CTNNA3: variants seen among roughly 807,000 people sequenced by gnomAD.
CTNNA3 encodes catenin alpha-3.
In CTNNA3, 76 loss-of-function variants were observed where a neutral mutation model predicts 95.7. The observed-to-expected ratio is 0.79, with a 90% CI of 0.66 to 0.96. The LOEUF (loss-of-function observed/expected upper bound fraction) is 0.96, where lower values mean the gene tolerates loss of function less well. Among genes scored for constraint, CTNNA3 ranks in the 40% least tolerant of loss-of-function variants. The pLI is 0.00. For synonymous variants in CTNNA3, 431 were observed against 374.4 expected (o/e 1.15, Z -1.74); for missense variants, 1,191 against 1,089.8 (o/e 1.09, Z -1.31).
intron 13 of CTNNA3, among the ~76,000 whole-genome samples, chr10:66,251,593 CA>C (rs1292045953): frequency 6.6e-6 from 1 of 151,836 alleles, no homozygotes; most frequent in Non-Finnish European, 1.5e-5. Flanking sequence ...TCCACAAGAC[CA>C]AATTGAAACA....
intron 15 of CTNNA3, among the ~76,000 whole-genome samples, chr10:66,038,336 A>T (rs1341470068): frequency 6.6e-6 from 1 of 152,190 alleles, no homozygotes; most frequent in Non-Finnish European, 1.5e-5. Context: ...AAGGAGTCTC[A>T]GGCAGAGGAT....
In CTNNA3 at chr10:66,199,801, ATATATTTTT is replaced by A. The variant is rs1564756526; in HGVS notation, c.1884+80660_1884+80668del. ...TATATATATATATATATATATATATATATATTTTTTTTTTTTTTTTTTTTTTTTTTTTAG... is the reference window on the plus strand; with the variant it reads ...TATATATATATATATATATATATATATTTTTTTTTTTTTTTTTTTTTTTAG... On this transcript the variant is annotated intron_variant, in intron 13 of 17. Coordinates refer to ENST00000433211, the MANE Select transcript of CTNNA3 (RefSeq NM_013266.4). Among the ~76,000 whole-genome samples the A allele has an allele frequency of 3.5e-3, 46 of 13,188 alleles. 4 individuals carry two copies. The highest frequency in any genetic ancestry group is 0.016 in the African/African-American group (45 of 2,836). The allele number at this position is 13,188 out of a possible 152,430, so 8.7% of individuals were successfully genotyped here. A position where few individuals can be genotyped will look rare whatever the true frequency, so the allele number is the denominator to read the frequency against.
intron 11 of CTNNA3, among the ~76,000 whole-genome samples, chr10:66,423,701 C>T (rs1047241287): frequency 2.0e-5 from 3 of 152,176 alleles, no homozygotes; most frequent in African/African-American, 7.2e-5. Context: ...GACACGAAAA[C>T]ATTCCAAGCC....
chr10:67,277,842 A>G (rs1276393424), intron 5 of CTNNA3, among the ~76,000 whole-genome samples: 1 of 152,198 alleles, frequency 6.6e-6, no homozygotes, highest in East Asian at 1.9e-4. Flanking sequence ...TGTCTGGTTT[A>G]AAAAGAGAAG....
intron 13 of CTNNA3, among the ~76,000 whole-genome samples, chr10:66,240,266 A>C: frequency 6.6e-6 from 1 of 152,078 alleles, no homozygotes; most frequent in East Asian, 1.9e-4. Flanking sequence ...CAAATGAAGA[A>C]CCAAAATCGG....
chr10:67,409,589 T>G (rs1486190316), intron 5 of CTNNA3, among the ~76,000 whole-genome samples: 2 of 147,398 alleles, frequency 1.4e-5, no homozygotes, highest in East Asian at 4.1e-4. Context: ...CTGTTAGGGG[T>G]GGAGGTGGGG....
chr10:67,424,945 T>G (rs1845867306), intron 5 of CTNNA3, among the ~76,000 whole-genome samples: 1 of 152,120 alleles, frequency 6.6e-6, no homozygotes, highest in Admixed American at 6.6e-5. Context: ...TCCAAATTCA[T>G]TCAGTCCCTA....
At chr10:66,048,731 A>C (rs1478313301) in intron 15 of CTNNA3, among the ~76,000 whole-genome samples, 3 of 152,210 alleles carry the variant, frequency 2.0e-5, no homozygotes, top group Non-Finnish European at 4.4e-5. Flanking sequence ...ACTGCACTCC[A>C]GTCTGGGCGG....
At chr10:66,689,415 G>A (rs1353824155) in intron 9 of CTNNA3, among the ~76,000 whole-genome samples, 2 of 152,090 alleles carry the variant, frequency 1.3e-5, no homozygotes, top group African/African-American at 4.8e-5. Flanking sequence ...GCCTTGTATT[G>A]CCTTTATTTC....
At chr10:66,042,805 C>T (rs747746948) in intron 15 of CTNNA3, among the ~76,000 whole-genome samples, 1 of 136,712 alleles carries the variant, frequency 7.3e-6, no homozygotes, top group Non-Finnish European at 1.5e-5. Flanking sequence ...CAGGCTGAGG[C>T]AAGAGAATTG....
intron 11 of CTNNA3, among the ~76,000 whole-genome samples, chr10:66,466,532 TC>T (rs1460780053): frequency 1.3e-5 from 2 of 151,914 alleles, no homozygotes; most frequent in South Asian, 2.1e-4. Context: ...TACTACCATT[TC>T]CCCCCTCACT....
chr10:67,733,722 T>G (rs1044717417), intron 1 of CTNNA3, among the ~76,000 whole-genome samples: 3 of 152,178 alleles, frequency 2.0e-5, no homozygotes, highest in Non-Finnish European at 4.4e-5. Context: ...CATATTTACC[T>G]CTCTTCCTGC....
chr10:66,884,710 T>G (rs1024174362), intron 7 of CTNNA3, among the ~76,000 whole-genome samples: 1 of 152,134 alleles, frequency 6.6e-6, no homozygotes, highest in African/African-American at 2.4e-5. Context: ...TATTTGAAGT[T>G]ACTAAGTTTC....
At chr10:66,309,954 T>TAAATAAATAAAA (rs1554929532) in intron 12 of CTNNA3, among the ~76,000 whole-genome samples, 3 of 121,358 alleles carry the variant, frequency 2.5e-5, no homozygotes, top group Admixed American at 8.2e-5. Context: ...AATAAATAAA[T>TAAATAAATAAAA]AAAATAAAAA....
At chr10:67,135,276 G>A (rs1165148846) in intron 7 of CTNNA3, among the ~76,000 whole-genome samples, 1 of 152,104 alleles carries the variant, frequency 6.6e-6, no homozygotes, top group Non-Finnish European at 1.5e-5. Flanking sequence ...TTGTATCTCT[G>A]ACATAACAAA....
chr10:66,967,071 T>C (rs10997457), intron 7 of CTNNA3, among the ~76,000 whole-genome samples: 33,681 of 151,968 alleles, frequency 0.22, 3,992 homozygotes, highest in East Asian at 0.37. Flanking sequence ...GGTACCACTA[T>C]AAGCAGGTGA....
At chr10:67,396,372 T>C (rs956797403) in intron 5 of CTNNA3, among the ~76,000 whole-genome samples, 4 of 152,216 alleles carry the variant, frequency 2.6e-5, no homozygotes, top group African/African-American at 4.8e-5. Context: ...ATTATTAATA[T>C]GGTATCATCA....
chr10:67,385,962 G>C (rs1303469270), intron 5 of CTNNA3, among the ~76,000 whole-genome samples: 1 of 151,994 alleles, frequency 6.6e-6, no homozygotes, highest in Admixed American at 6.6e-5. Context: ...CACATACAGT[G>C]CAGTAAAGGG....
intron 9 of CTNNA3, among the ~76,000 whole-genome samples, chr10:66,687,337 CT>C (rs140776435): frequency 0.014 from 2,085 of 152,144 alleles, 57 homozygotes; most frequent in African/African-American, 0.043. Flanking sequence ...AAGGCTTCTT[CT>C]TTGTCTTCTT....
Sources: allele counts gnomAD v4.1 joint callset (sites outside exome capture counted in the v4.1 genomes callset), GRCh38; gene constraint gnomAD v4.1.1; transcripts MANE v1.5; gene names NCBI Gene and HGNC (gene_info 2026-07-23, HGNC 2026-07-21).